The following TPPP variants were observed in gnomAD, a reference collection of about 807,000 sequenced individuals.
The protein encoded by TPPP is tubulin polymerization promoting protein.
A neutral mutation model predicts 15.5 loss-of-function variants in TPPP; 6 were observed. That is an observed-to-expected ratio of 0.39 (90% CI 0.21 to 0.77). The LOEUF (loss-of-function observed/expected upper bound fraction) is 0.77, where lower values mean the gene tolerates loss of function less well. Among genes scored for constraint, TPPP ranks in the 30% least tolerant of loss-of-function variants. The pLI is 0.42. For missense variants in TPPP, 269 were observed against 307.2 expected (o/e 0.88, Z 0.93); for synonymous variants, 146 against 133.9 (o/e 1.09, Z -0.63).
At chr5:672,705 T>C (rs1171973956) in intron 2 of TPPP, among the ~76,000 whole-genome samples, 4 of 152,218 alleles carry the variant, frequency 2.6e-5, no homozygotes, top group African/African-American at 9.6e-5. Flanking sequence ...TCGCTGTCCA[T>C]GGCTCTACCG....
chr5:668,713 G>A (rs886408737), intron 2 of TPPP, among the ~76,000 whole-genome samples: 2 of 152,256 alleles, frequency 1.3e-5, no homozygotes, highest in African/African-American at 4.8e-5. Context: ...TGAAAACAGA[G>A]GCTCACACAT....
chr5:674,896 C>T (rs898718944), intron 2 of TPPP, among the ~76,000 whole-genome samples: 3 of 150,474 alleles, frequency 2.0e-5, no homozygotes, highest in African/African-American at 7.5e-5. Flanking sequence ...AGCCCACAAG[C>T]AAGGCCTGTA....
chr5:671,274 C>T (rs1740214084), intron 2 of TPPP, among the ~76,000 whole-genome samples: 1 of 152,150 alleles, frequency 6.6e-6, no homozygotes. Context: ...CGTGTGTAGT[C>T]ACCGCCCTGT....
chr5:687,136 G>C (rs1268414906), intron 1 of TPPP, among the ~76,000 whole-genome samples: 1 of 135,104 alleles, frequency 7.4e-6, no homozygotes, highest in African/African-American at 2.6e-5. Context: ...GCCACCAGAA[G>C]CTAGAAGAGG....
chr5:697,485 T>C (rs796451406), upstream of TPPP, among the ~76,000 whole-genome samples: 12 of 152,116 alleles, frequency 7.9e-5, 1 homozygote, highest in African/African-American at 2.4e-4. Flanking sequence ...AGGATGGCGT[T>C]GCAGAGCGGA....
At chr5:681,385 G>A (rs946170672) in intron 1 of TPPP, among the ~76,000 whole-genome samples, 15 of 152,096 alleles carry the variant, frequency 9.9e-5, no homozygotes, top group Non-Finnish European at 1.9e-4. Context: ...CCCCCAGGGG[G>A]TCACCCTGCA....
rs570067515 is a variant in TPPP at position 669,053 on chromosome 5, C to T, written c.312-2930G>A. Among the ~76,000 whole-genome samples the T allele has an allele frequency of 6.7e-4, 102 of 152,342 alleles. 1 individual carries two copies. The highest frequency in any genetic ancestry group is 2.2e-3 in the African/African-American group (90 of 41,580). On this transcript the variant is annotated intron_variant, in intron 2 of 3. Transcript: ENST00000360578. ...CAGCGCTGAGCCAAAGAAGAAATCGCGCTGAGAAACACACCAAGTGCTCGG... is the reference window on the plus strand; with the variant it reads ...CAGCGCTGAGCCAAAGAAGAAATCGTGCTGAGAAACACACCAAGTGCTCGG...
At chr5:696,956 G>C (rs551096081), upstream of TPPP, among the ~76,000 whole-genome samples, 1 of 148,430 alleles carries the variant, frequency 6.7e-6, no homozygotes, top group African/African-American at 2.5e-5. Context: ...GTATGTCCAC[G>C]TGCCTGTGTC....
At chr5:673,049 GCTTTC>G (rs1740277735) in intron 2 of TPPP, among the ~76,000 whole-genome samples, 3 of 152,176 alleles carry the variant, frequency 2.0e-5, no homozygotes, top group Non-Finnish European at 2.9e-5. Flanking sequence ...AGAGTCAGCA[GCTTTC>G]TGCAGTACCG....
Position 678,011 on chromosome 5 carries a change from T to C in TPPP, c.50A>G (p.Lys17Arg). The C allele has an allele frequency of 4.4e-6, 7 of 1,601,342 alleles. No individual in the cohort carries two copies. The highest frequency in any genetic ancestry group is 6.0e-6 in the Non-Finnish European group (7 of 1,174,436). ...GTCCTTCGAGGGGTCCCCCGGGGAC[T>C]TGGGGGGCGTCCTGTTGGCAGCTTT... ...PAKAANRTPP[K>R]SPGDPSKDRA... is the part of the protein sequence containing the mutation. Residue 17 changes from lysine to arginine, a missense_variant, in exon 2 of 4, where the codon AAG becomes AGG. Transcript: ENST00000360578.
chr5:680,777 T>C (rs1422700622), intron 1 of TPPP, among the ~76,000 whole-genome samples: 1 of 152,166 alleles, frequency 6.6e-6, no homozygotes, highest in African/African-American at 2.4e-5. Context: ...TTCACTGTTC[T>C]AGGTTCTTGT....
chr5:683,244 G>A (rs1330196516), intron 1 of TPPP, among the ~76,000 whole-genome samples: 3 of 151,942 alleles, frequency 2.0e-5, no homozygotes, highest in Middle Eastern at 3.2e-3. Context: ...CGCACCCGAT[G>A]GCCTCATGCA....
intron 2 of TPPP, among the ~76,000 whole-genome samples, chr5:676,909 A>G (rs567557277): frequency 4.4e-4 from 47 of 105,778 alleles, no homozygotes; most frequent in African/African-American, 1.1e-3. Context: ...GCACGCGCGC[A>G]TACACGACGC....
intron 2 of TPPP, among the ~76,000 whole-genome samples, chr5:673,962 C>T (rs887151129): frequency 6.6e-5 from 10 of 152,226 alleles, no homozygotes; most frequent in Admixed American, 4.6e-4. Flanking sequence ...CACATGCGGC[C>T]ATGTGCATGC....
chr5:683,179 C>T (rs2126908991), intron 1 of TPPP, among the ~76,000 whole-genome samples: 1 of 152,342 alleles, frequency 6.6e-6, no homozygotes, highest in East Asian at 1.9e-4. Flanking sequence ...AGGACAGCTG[C>T]TTGTGCCTCA....
intron 3 of TPPP, 99 bp from the exon 4 acceptor site, chr5:665,395 G>T: frequency 1.8e-6 from 2 of 1,139,816 alleles, no homozygotes; most frequent in Non-Finnish European, 2.5e-6. Flanking sequence ...CAGCGGTGGG[G>T]CACTGGGCAA....
chr5:681,603 C>T (rs1740623970), intron 1 of TPPP, among the ~76,000 whole-genome samples: 1 of 152,212 alleles, frequency 6.6e-6, no homozygotes, highest in Non-Finnish European at 1.5e-5. Context: ...TGCCCCTTCC[C>T]TGGCCAGACC....
In TPPP at chr5:662,864, CGTCTGTG is replaced by C. The variant is rs1561076507; in HGVS notation, c.*2231_*2237del. On this transcript the variant is annotated 3_prime_UTR_variant, in exon 4 of 4. Transcript: ENST00000360578. ...TTATCGGGTGATTCCGGTGGCCACT[CGTCTGTG>C]ATCGGGTGATTCCGATGACTGCTCG... The C allele has an allele frequency of 1.4e-5, 2 of 143,812 alleles. No homozygotes were observed. The highest frequency in any genetic ancestry group is 3.0e-5 in the Non-Finnish European group (2 of 66,012). 8.9% of individuals were successfully genotyped at this position (143,812 alleles called of 1,614,324 possible). A position where few individuals can be genotyped will look rare whatever the true frequency, so the allele number is the denominator to read the frequency against.
upstream of TPPP, among the ~76,000 whole-genome samples, chr5:696,479 C>T (rs572864044): frequency 2.7e-5 from 4 of 146,950 alleles, no homozygotes; most frequent in African/African-American, 7.3e-5. Context: ...CTTTGGGCCC[C>T]GTAGGGGTGT....
Sources: gnomAD v4.1 joint callset for allele counts (sites outside exome capture counted in the v4.1 genomes callset) on GRCh38, gnomAD v4.1.1 for gene constraint, MANE v1.5 for transcripts, NCBI Gene and HGNC (gene_info 2026-07-23, HGNC 2026-07-21) for gene names.